DHRS7B: variants seen among roughly 807,000 people sequenced by gnomAD.
DHRS7B encodes the protein peroxisomal reductase activating PPAR-gamma.
DHRS7B carries 24 observed loss-of-function variants against 26.4 expected under a neutral mutation model. The observed-to-expected ratio is 0.91, with a 90% confidence interval of 0.66 to 1.28. The LOEUF (loss-of-function observed/expected upper bound fraction) is 1.28, where lower values mean the gene tolerates loss of function less well. Among genes scored for constraint, DHRS7B ranks in the 50% most tolerant of loss-of-function variants. DHRS7B has a pLI of 0.00. For synonymous variants in DHRS7B, 142 were observed against 166.4 expected (o/e 0.85, Z 1.13); for missense variants, 368 against 419.4 (o/e 0.88, Z 1.07).
intron 1 of DHRS7B, among the ~76,000 whole-genome samples, chr17:21,142,188 G>C (rs1265091375): frequency 6.6e-6 from 1 of 152,182 alleles, no homozygotes; most frequent in East Asian, 1.9e-4. Flanking sequence ...GTCCACGTGA[G>C]AGGGTCATGA....
chr17:21,174,362 C>T (rs1409761051), intron 2 of DHRS7B, among the ~76,000 whole-genome samples: 1 of 152,236 alleles, frequency 6.6e-6, no homozygotes, highest in African/African-American at 2.4e-5. Context: ...AGGAACAGAA[C>T]GTTCTGGATA....
At chr17:21,150,171 G>C (rs1465122043) in intron 1 of DHRS7B, among the ~76,000 whole-genome samples, 3 of 149,494 alleles carry the variant, frequency 2.0e-5, no homozygotes, top group Non-Finnish European at 4.4e-5. Context: ...AAAGTCCTTG[G>C]AAAAGGGGCA....
chr17:21,171,050 G>T (rs192192937), intron 1 of DHRS7B, among the ~76,000 whole-genome samples: 2 of 131,382 alleles, frequency 1.5e-5, no homozygotes, highest in Non-Finnish European at 3.2e-5. Flanking sequence ...GGTGGACTCG[G>T]GGGGGGCCTT....
intron 1 of DHRS7B, among the ~76,000 whole-genome samples, chr17:21,163,236 A>G (rs910455575): frequency 2.0e-5 from 3 of 152,050 alleles, no homozygotes; most frequent in Non-Finnish European, 4.4e-5. Flanking sequence ...AAACACAGGT[A>G]TAATCTAAAT....
chr17:21,141,799 G>A, intron 1 of DHRS7B, among the ~76,000 whole-genome samples: 1 of 151,880 alleles, frequency 6.6e-6, no homozygotes. Context: ...AATTTTGGGA[G>A]ATCAGGGATT....
intron 3 of DHRS7B, among the ~76,000 whole-genome samples, chr17:21,180,386 T>A (rs896464653): frequency 1.2e-4 from 19 of 152,186 alleles, no homozygotes; most frequent in African/African-American, 4.6e-4. Flanking sequence ...TTTTATAATT[T>A]TAAATCTTAC....
chr17:21,135,777 G>C (rs1396431064), intron 1 of DHRS7B, among the ~76,000 whole-genome samples: 1 of 152,156 alleles, frequency 6.6e-6, no homozygotes, highest in African/African-American at 2.4e-5. Context: ...TCTTGCATCA[G>C]TGTGCCTTTG....
chr17:21,141,640 A>AAAAACAAAAAAAG, intron 1 of DHRS7B, among the ~76,000 whole-genome samples: 1 of 90,078 alleles, frequency 1.1e-5, no homozygotes, highest in Non-Finnish European at 2.1e-5. Context: ...AAAAAAAAAA[A>AAAAACAAAAAAAG]CAACCTCATC....
chr17:21,153,228 A>C (rs1973810299), intron 1 of DHRS7B, among the ~76,000 whole-genome samples: 1 of 152,252 alleles, frequency 6.6e-6, no homozygotes, highest in Non-Finnish European at 1.5e-5. Flanking sequence ...AAATGCTAGA[A>C]ATCAAAAGTG....
chr17:21,169,679 C>A (rs1223970020), intron 1 of DHRS7B, among the ~76,000 whole-genome samples: 2 of 152,196 alleles, frequency 1.3e-5, no homozygotes, highest in African/African-American at 4.8e-5. Flanking sequence ...CTCTTGACCC[C>A]CATGACCTCG....
intron 1 of DHRS7B, among the ~76,000 whole-genome samples, chr17:21,165,214 T>G (rs114951939): frequency 0.02 from 3,022 of 152,226 alleles, 98 homozygotes; most frequent in African/African-American, 0.069. Context: ...TTTTCTCTTC[T>G]TCACCACCAC....
chr17:21,150,631 A>G (rs958232960), intron 1 of DHRS7B, among the ~76,000 whole-genome samples: 1 of 152,226 alleles, frequency 6.6e-6, no homozygotes. Flanking sequence ...AAAAGCATTT[A>G]TTCATGAAAA....
rs59348588 is a variant in DHRS7B, at chr17:21,180,073, CTTTTTT to C, written c.309+1745_309+1750del. Among the ~76,000 whole-genome samples, 19 of 121,896 alleles carry C rather than the reference CTTTTTT, an allele frequency of 1.6e-4. No individual in the cohort carries two copies. In the East Asian group the frequency reaches 1.6e-3, roughly 11 times the overall value. 80.0% of individuals were successfully genotyped at this position (121,896 alleles called of 152,430 possible). On this transcript the variant is annotated intron_variant, in intron 3 of 6. Coordinates refer to ENST00000395511, the MANE Select transcript of DHRS7B (RefSeq NM_015510.5). Reference sequence around the variant, plus strand: ...TGAGCCACCATGCCCAGCCCACTTTCTTTTTTTTTTTTTTTTTTTGAGAGGGAGTCT... The same window carrying C: ...TGAGCCACCATGCCCAGCCCACTTTCTTTTTTTTTTTTTGAGAGGGAGTCT...
At chr17:21,139,207 AG>A (rs1403518315) in intron 1 of DHRS7B, among the ~76,000 whole-genome samples, 1 of 152,240 alleles carries the variant, frequency 6.6e-6, no homozygotes, top group East Asian at 1.9e-4. Context: ...TGAGGTTAGA[AG>A]TTATGGTAAT....
chr17:21,130,878 G>A (rs1973215561), intron 1 of DHRS7B, among the ~76,000 whole-genome samples: 1 of 152,148 alleles, frequency 6.6e-6, no homozygotes, highest in African/African-American at 2.4e-5. Context: ...AAGGCCATAA[G>A]CATGAGGGTG....
intron 1 of DHRS7B, among the ~76,000 whole-genome samples, chr17:21,134,903 G>C (rs964084631): frequency 1.3e-5 from 2 of 152,100 alleles, no homozygotes; most frequent in Non-Finnish European, 2.9e-5. Flanking sequence ...TTCCTGTTCT[G>C]CTTGATACTC....
chr17:21,191,002 T>A lies in DHRS7B; in HGVS notation c.827T>A (p.Val276Asp), dbSNP rs1405321862. ...GRSPVEVAQDVLAAVGKKKKD... is the reference protein window; with the variant it reads ...GRSPVEVAQDDLAAVGKKKKD... ...AGCCCTGTGGAGGTGGCCCAGGATG[T>A]TCTTGCTGCTGTGGGGAAGAAGAAG... is the stretch of plus-strand genomic sequence containing the variant. The change falls in exon 7 of 7, where the codon GTT (valine) becomes GAT (aspartate). Residue 276 changes from valine to aspartate, a missense_variant. By Grantham distance (152) the Val-to-Asp change is radical. Coordinates refer to ENST00000395511, the MANE Select transcript of DHRS7B (RefSeq NM_015510.5). The A allele has an allele frequency of 6.2e-7, 1 of 1,614,258 alleles. No homozygotes were observed. Among genetic ancestry groups the A allele is most frequent in the East Asian group, 2.2e-5 (1 of 44,892 alleles).
At chr17:21,146,443 C>A (rs1022831079) in intron 1 of DHRS7B, among the ~76,000 whole-genome samples, 4 of 152,126 alleles carry the variant, frequency 2.6e-5, no homozygotes, top group South Asian at 2.1e-4. Flanking sequence ...ATGCATATAC[C>A]TATTTAATCC....
chr17:21,164,320 C>T lies in DHRS7B; in HGVS notation c.21-7698C>T, dbSNP rs898069495. Among the ~76,000 whole-genome samples, 7 of 152,296 alleles carry T rather than the reference C, an allele frequency of 4.6e-5. No individual in the cohort carries two copies. In the South Asian group the frequency reaches 1.5e-3, roughly 32 times the overall value. On this transcript the variant is annotated intron_variant, in intron 1 of 6. Coordinates refer to ENST00000395511, the MANE Select transcript of DHRS7B (RefSeq NM_015510.5). ...AGCTGGGGATTACAGGCATGAGCCA[C>T]TGGGCCAGCCTTGCTTAATTAAGTT...
Sources: gnomAD v4.1 joint callset for allele counts (sites outside exome capture counted in the v4.1 genomes callset) on GRCh38, gnomAD v4.1.1 for gene constraint, MANE v1.5 for transcripts, NCBI Gene and HGNC (gene_info 2026-07-23, HGNC 2026-07-21) for gene names.